RNF19A: variants seen among roughly 807,000 people sequenced by gnomAD.
RNF19A encodes ring finger protein 19A, RBR E3 ubiquitin protein ligase, also known as E3 ubiquitin-protein ligase RNF19A.
A neutral mutation model predicts 75.7 loss-of-function variants in RNF19A; 32 were observed. The observed-to-expected ratio is 0.42, with a 90% CI of 0.32 to 0.57. The LOEUF (loss-of-function observed/expected upper bound fraction) is 0.57. Among genes scored for constraint, RNF19A ranks in the 20% least tolerant of loss-of-function variants. The probability of loss-of-function intolerance (pLI) is 0.10; values close to 1 mark genes in which losing one functional copy is unlikely to be tolerated. For missense variants in RNF19A, 782 were observed against 1,036.3 expected (o/e 0.75, Z 3.37); for synonymous variants, 335 against 345.2 (o/e 0.97, Z 0.33).
chr8:100,272,141 A>T (rs1043465702), intron 3 of RNF19A, among the ~76,000 whole-genome samples: 2 of 152,212 alleles, frequency 1.3e-5, no homozygotes, highest in Admixed American at 6.5e-5. Context: ...TTATTTGCAT[A>T]AAATGGGAAA....
chr8:100,279,414 C>T (rs1262841057), intron 2 of RNF19A, among the ~76,000 whole-genome samples: 1 of 152,112 alleles, frequency 6.6e-6, no homozygotes, highest in Non-Finnish European at 1.5e-5. Context: ...TACTCCGTCA[C>T]CCAGGCTGGA....
chr8:100,295,931 G>A (rs917166245), intron 1 of RNF19A, among the ~76,000 whole-genome samples: 3 of 152,068 alleles, frequency 2.0e-5, no homozygotes, highest in African/African-American at 4.8e-5. Flanking sequence ...ACATTTAAAT[G>A]TTATTTTTAA....
At chr8:100,309,485 G>T in intron 1 of RNF19A, 1 of 985,606 alleles carries the variant, frequency 1.0e-6, no homozygotes, top group Non-Finnish European at 1.2e-6. Context: ...CCGCTTTAGG[G>T]GCAGGAGACA....
Position 100,284,401 on chromosome 8 carries a change from A to G in RNF19A, c.674+3100T>C, listed in dbSNP as rs1288767442. ...GAAATACGACCATAACAACTAACAG[A>G]GCAGTATAAGTCAAATATAAAATAA... On this transcript the variant is annotated intron_variant, in intron 2 of 9. Coordinates refer to ENST00000341084, the MANE Select transcript of RNF19A (RefSeq NM_183419.4). The surrounding 1 kb of genome is among the most constrained non-coding windows in gnomAD (Gnocchi z 4.3). 6.6e-6 allele frequency among the ~76,000 whole-genome samples: 1 copy of G among 152,186 alleles called. No homozygotes were observed. The highest frequency in any genetic ancestry group is 1.5e-5 in the Non-Finnish European group (1 of 68,000).
In RNF19A at chr8:100,261,172, G is replaced by C. The variant is rs1819694603; in HGVS notation, c.1682+370C>G. Reference sequence around the variant, plus strand: ...CTCAGTGGTGTGATCTTGGCTGACTGCAGCCTCCAACTCCCAGGCTCAAGT... The same window carrying C: ...CTCAGTGGTGTGATCTTGGCTGACTCCAGCCTCCAACTCCCAGGCTCAAGT... On this transcript the variant is annotated intron_variant, in intron 8 of 9. Coordinates refer to ENST00000341084, the MANE Select transcript of RNF19A (RefSeq NM_183419.4). The surrounding 1 kb of genome is among the most constrained non-coding windows in gnomAD (Gnocchi z 4.4). Among the ~76,000 whole-genome samples the C allele has an allele frequency of 6.6e-6, 1 of 151,922 alleles. No individual in the cohort carries two copies. The highest frequency in any genetic ancestry group is 1.5e-5 in the Non-Finnish European group (1 of 68,002).
In RNF19A at chr8:100,264,076, C is replaced by T. The variant is rs765669170; in HGVS notation, c.1426G>A (p.Asp476Asn). The T allele has an allele frequency of 6.2e-7, 1 of 1,613,662 alleles. No homozygotes were observed. The highest frequency in any genetic ancestry group is 1.7e-5 in the Admixed American group (1 of 59,964). The change falls in exon 7 of 10, where the codon GAT becomes AAT. Residue 476 changes from aspartate to asparagine, a missense_variant. By Grantham distance (23) the Asp-to-Asn change is conservative. Coordinates refer to ENST00000341084, the MANE Select transcript of RNF19A (RefSeq NM_183419.4). The surrounding 1 kb of genome is among the most constrained non-coding windows in gnomAD (Gnocchi z 4.7). ...CCACCAACATTTATATCATTTTCAT[C>T]ATCAAATTCAATCCTAACTCCTTTT... Reference protein sequence around the residue: ...NGKGVRIEFDDENDINVGGTN... With the variant: ...NGKGVRIEFDNENDINVGGTN...
intron 5 of RNF19A, among the ~76,000 whole-genome samples, chr8:100,268,104 CT>C (rs145479213): frequency 5.4e-5 from 8 of 148,100 alleles, no homozygotes; most frequent in Non-Finnish European, 9.0e-5. Flanking sequence ...AAGAAAATTT[CT>C]TTTTTTTTTC....
rs942520174 is a variant in RNF19A at position 100,332,899 on chromosome 8, C to T, written c.-243+3209G>A. ...TTGTGGAAATTAGCCTCTTTTCTAT[C>T]ATATGTGTTTCAATTTTTTTCTATA... On this transcript the variant is annotated intron_variant, in intron 1 of 3. Transcript: ENST00000519527. This position sits in a 1 kb window ranked among gnomAD's most constrained non-coding sequence, Gnocchi z 4.8. 4.6e-5 allele frequency among the ~76,000 whole-genome samples: 7 copies of T among 152,108 alleles called. No homozygotes were observed. Among genetic ancestry groups the T allele is most frequent in the Non-Finnish European group, 8.8e-5 (6 of 68,016 alleles).
intron 2 of RNF19A, among the ~76,000 whole-genome samples, chr8:100,279,271 G>A (rs1009121525): frequency 6.6e-6 from 1 of 151,996 alleles, no homozygotes; most frequent in Non-Finnish European, 1.5e-5. Flanking sequence ...ATATACACAC[G>A]GTATATTTAT....
chr8:100,329,699 G>A lies in RNF19A; in HGVS notation c.-243+6409C>T, dbSNP rs1442393199. On this transcript the variant is annotated intron_variant, in intron 1 of 3. Transcript: ENST00000519527. The surrounding 1 kb of genome is among the most constrained non-coding windows in gnomAD (Gnocchi z 4.3). ...TGGTCAAAAGAACTGGTTGTACTTG[G>A]CTAAGAGAGAAAAGACTAGAGCAGA... 6.6e-6 allele frequency among the ~76,000 whole-genome samples: 1 copy of A among 152,184 alleles called. No homozygotes were observed. The highest frequency in any genetic ancestry group is 1.5e-5 in the Non-Finnish European group (1 of 68,026).
rs756411187 is a variant in RNF19A at position 100,275,807 on chromosome 8, T to C, written c.675-646A>G. Among the ~76,000 whole-genome samples the C allele has an allele frequency of 1.3e-5, 2 of 152,176 alleles. No individual in the cohort carries two copies. Among genetic ancestry groups the C allele is most frequent in the Non-Finnish European group, 2.9e-5 (2 of 68,022 alleles). On this transcript the variant is annotated intron_variant, in intron 2 of 9. Coordinates refer to ENST00000341084, the MANE Select transcript of RNF19A (RefSeq NM_183419.4). This position sits in a 1 kb window ranked among gnomAD's most constrained non-coding sequence, Gnocchi z 4.3. ...GAAAAAAAGATTGCCTGTTTAAAAATGTAGTGACTATAGGTTAGTTTTAAC... is the reference window on the plus strand; with the variant it reads ...GAAAAAAAGATTGCCTGTTTAAAAACGTAGTGACTATAGGTTAGTTTTAAC...
At chr8:100,279,048 A>C (rs1182980884) in intron 2 of RNF19A, among the ~76,000 whole-genome samples, 1 of 152,196 alleles carries the variant, frequency 6.6e-6, no homozygotes, top group Non-Finnish European at 1.5e-5. Context: ...CTTTCAGATG[A>C]TAATTCCTTA....
chr8:100,271,138 T>G (rs1468323444), intron 3 of RNF19A, among the ~76,000 whole-genome samples: 1 of 152,030 alleles, frequency 6.6e-6, no homozygotes, highest in Non-Finnish European at 1.5e-5. Context: ...TTAGCACTTC[T>G]TCTAGGACCA....
chr8:100,305,220 T>C (rs930320235), intron 1 of RNF19A, among the ~76,000 whole-genome samples: 6 of 152,138 alleles, frequency 3.9e-5, no homozygotes, highest in Admixed American at 1.3e-4. Flanking sequence ...GGATTATACA[T>C]TGGGAAAGAC....
intron 1 of RNF19A, among the ~76,000 whole-genome samples, chr8:100,316,662 A>G (rs1399292399): frequency 6.6e-6 from 1 of 152,178 alleles, no homozygotes; most frequent in Non-Finnish European, 1.5e-5. Flanking sequence ...AGCTAGACAT[A>G]AAGACTCTCC....
intron 2 of RNF19A, among the ~76,000 whole-genome samples, chr8:100,276,612 G>A (rs1456831378): frequency 1.3e-5 from 2 of 151,436 alleles, no homozygotes; most frequent in Non-Finnish European, 2.9e-5. Flanking sequence ...AAAATTAGCC[G>A]GGAGTGGTGG....
chr8:100,316,970 T>G (rs1212147907), intron 1 of RNF19A, among the ~76,000 whole-genome samples: 1 of 152,198 alleles, frequency 6.6e-6, no homozygotes, highest in Non-Finnish European at 1.5e-5. Context: ...GCCGGTGGGC[T>G]GGCACTGCTG....
upstream of RNF19A, among the ~76,000 whole-genome samples, chr8:100,314,203 CATACTATAT>C (rs1427699157): frequency 6.6e-6 from 1 of 151,922 alleles, no homozygotes; most frequent in Non-Finnish European, 1.5e-5. This position sits in a 1 kb window ranked among gnomAD's most constrained non-coding sequence, Gnocchi z 4.1. Context: ...TTATTGCATA[CATACTATAT>C]ATACTATATA....
intron 1 of RNF19A, among the ~76,000 whole-genome samples, chr8:100,305,613 C>T (rs1213864322): frequency 6.6e-6 from 1 of 152,160 alleles, no homozygotes; most frequent in African/African-American, 2.4e-5. Context: ...GACAACACTG[C>T]TGAAGAGATA....
Sources: allele counts gnomAD v4.1 joint callset (sites outside exome capture counted in the v4.1 genomes callset), GRCh38; gene constraint gnomAD v4.1.1; non-coding constraint Gnocchi (gnomAD v3.1); transcripts MANE v1.5; gene names NCBI Gene and HGNC (gene_info 2026-07-23, HGNC 2026-07-21).